The following C12orf42 variants were observed in gnomAD, a reference collection of about 807,000 sequenced individuals.
C12orf42 encodes the protein uncharacterized protein C12orf42.
A neutral mutation model predicts 21.6 loss-of-function variants in C12orf42; 25 were observed. That is an observed-to-expected ratio of 1.16 (90% CI 0.84 to 1.62). C12orf42 has a LOEUF of 1.62. C12orf42 is among the 40% of genes most tolerant of loss of function. C12orf42 has a pLI of 0.00. For synonymous variants in C12orf42, 174 were observed against 175.0 expected (o/e 0.99, Z 0.05); for missense variants, 483 against 459.3 (o/e 1.05, Z -0.47).
the C12orf42 span, among the ~76,000 whole-genome samples, chr12:103,136,475 G>T: frequency 6.6e-6 from 1 of 152,120 alleles, no homozygotes; most frequent in Non-Finnish European, 1.5e-5. Context: ...GCAATCTATA[G>T]ATTCAATGCA....
the C12orf42 span, among the ~76,000 whole-genome samples, chr12:103,157,553 T>C: frequency 1.3e-5 from 2 of 152,228 alleles, no homozygotes; most frequent in Admixed American, 1.3e-4. Flanking sequence ...CATGCCTATG[T>C]CTTGAATGGT....
At chr12:103,259,262 G>C (rs1360455272) in intron 10 of C12orf42, among the ~76,000 whole-genome samples, 1 of 152,146 alleles carries the variant, frequency 6.6e-6, no homozygotes, top group Non-Finnish European at 1.5e-5. Context: ...AGTTCTCCTA[G>C]AGTCAATTTG....
the C12orf42 span, among the ~76,000 whole-genome samples, chr12:103,177,403 A>G: frequency 0.07 from 10,631 of 152,278 alleles, 421 homozygotes; most frequent in East Asian, 0.17. Context: ...TACCAAAGAG[A>G]GAACTATTCC....
At chr12:103,295,695 T>C (rs79286444) in intron 4 of C12orf42, among the ~76,000 whole-genome samples, 6,108 of 152,224 alleles carry the variant, frequency 0.04, 402 homozygotes, top group African/African-American at 0.14. Context: ...TATATCAGCC[T>C]TGCATAAATA....
chr12:103,521,354 A>T, the C12orf42 span, among the ~76,000 whole-genome samples: 1 of 152,218 alleles, frequency 6.6e-6, no homozygotes, highest in Non-Finnish European at 1.5e-5. Flanking sequence ...GCAGCCATTT[A>T]AAAAAGCGAG....
chr12:103,355,224 G>A (rs374943755), intron 4 of C12orf42, among the ~76,000 whole-genome samples: 23 of 152,138 alleles, frequency 1.5e-4, no homozygotes, highest in East Asian at 5.8e-4. Context: ...GTCAGTAAGT[G>A]TTGGCTAAAT....
the C12orf42 span, among the ~76,000 whole-genome samples, chr12:103,123,255 G>T: frequency 6.6e-6 from 1 of 152,148 alleles, no homozygotes; most frequent in African/African-American, 2.4e-5. Flanking sequence ...CAGCCAGTTG[G>T]CAAATGTTTG....
the C12orf42 span, among the ~76,000 whole-genome samples, chr12:103,175,583 C>T: frequency 6.6e-6 from 1 of 152,068 alleles, no homozygotes; most frequent in Admixed American, 6.6e-5. Context: ...CAGGGATCCA[C>T]CAAGTTTTAG....
At chr12:103,319,833 C>T (rs2039913121) in intron 4 of C12orf42, among the ~76,000 whole-genome samples, 1 of 152,200 alleles carries the variant, frequency 6.6e-6, no homozygotes, top group Non-Finnish European at 1.5e-5. Flanking sequence ...CTGAGCACAG[C>T]ACTTTGACCA....
the C12orf42 span, among the ~76,000 whole-genome samples, chr12:103,188,651 A>G: frequency 1.2e-3 from 189 of 152,256 alleles, 1 homozygote; most frequent in African/African-American, 4.5e-3. Flanking sequence ...TTGCTCTGGT[A>G]GTTCACATGA....
chr12:103,163,231 G>C, the C12orf42 span, among the ~76,000 whole-genome samples: 1 of 152,296 alleles, frequency 6.6e-6, no homozygotes, highest in South Asian at 2.1e-4. Context: ...ACTGATCTCA[G>C]CAGCATCTAA....
chr12:103,533,149 A>G, the C12orf42 span, among the ~76,000 whole-genome samples: 2 of 152,200 alleles, frequency 1.3e-5, no homozygotes, highest in Non-Finnish European at 2.9e-5. Context: ...TTTTTGCAAC[A>G]ATGGTGGTTA....
intron 1 of C12orf42, 31 bp downstream of exon 1, chr12:103,495,871 A>G (rs959086556): frequency 3.3e-5 from 5 of 152,222 alleles, no homozygotes; most frequent in Non-Finnish European, 5.9e-5. Flanking sequence ...TCACCCTGCC[A>G]GGGGGCGAGT....
At chr12:103,268,503 A>G (rs2035282769), downstream of C12orf42, 1 of 151,636 alleles carries the variant, frequency 6.6e-6, no homozygotes, top group Admixed American at 6.6e-5. Context: ...TTTCATTAAA[A>G]AAAAAACCGC....
the C12orf42 span, among the ~76,000 whole-genome samples, chr12:103,091,471 G>C: frequency 2.0e-5 from 3 of 151,880 alleles, no homozygotes; most frequent in Admixed American, 6.6e-5. Context: ...TTTTGTATCT[G>C]GTATGGAAAA....
downstream of C12orf42, among the ~76,000 whole-genome samples, chr12:103,300,128 A>G (rs2037551616): frequency 6.6e-6 from 1 of 152,220 alleles, no homozygotes. Context: ...TGTTTTCCCA[A>G]GGGTGTTGCA....
intron 3 of C12orf42, among the ~76,000 whole-genome samples, chr12:103,379,386 G>A (rs2045973212): frequency 1.3e-5 from 2 of 152,070 alleles, no homozygotes; most frequent in South Asian, 4.1e-4. Flanking sequence ...ATACATTGAA[G>A]ATGCATATGG....
rs140803883 is a variant in C12orf42 at position 103,269,601 on chromosome 12, G to T, written n.445+206C>A. On this transcript the variant is annotated intron_variant and non_coding_transcript_variant, in intron 6 of 6. Transcript: ENST00000546526. ...TCTATTGGAATCACCACTGGCAATG[G>T]ACTATTCTAAATTTATCAAATTCAA... Among the ~76,000 whole-genome samples, 869 of 152,180 alleles carry T rather than the reference G, an allele frequency of 5.7e-3. 5 individuals carry two copies. The highest frequency in any genetic ancestry group is 0.02 in the African/African-American group (823 of 41,522).
intron 2 of C12orf42, among the ~76,000 whole-genome samples, chr12:103,427,075 A>G (rs978934013): frequency 6.6e-6 from 1 of 152,214 alleles, no homozygotes; most frequent in Non-Finnish European, 1.5e-5. Context: ...ACCAGCTAGC[A>G]TCATAATGAC....
Sources: gnomAD v4.1 joint callset for allele counts (sites outside exome capture counted in the v4.1 genomes callset) on GRCh38, gnomAD v4.1.1 for gene constraint, MANE v1.5 for transcripts, NCBI Gene and HGNC (gene_info 2026-07-23, HGNC 2026-07-21) for gene names.